Variants in RHOU observed in about 807,000 individuals in gnomAD.
RHOU encodes rho-related GTP-binding protein RhoU.
A neutral mutation model predicts 12.6 loss-of-function variants in RHOU; 8 were observed. That is an observed-to-expected ratio of 0.64 (90% CI 0.37 to 1.15). RHOU has a LOEUF of 1.15. Ranked by LOEUF, RHOU falls within the 50% of genes most tolerant of loss-of-function variation. The pLI is 0.01. For synonymous variants in RHOU, 161 were observed against 147.4 expected (o/e 1.09, Z -0.67); for missense variants, 258 against 347.0 (o/e 0.74, Z 2.04).
the RHOU span, among the ~76,000 whole-genome samples, chr1:228,712,666 G>A: frequency 8.9e-6 from 1 of 112,652 alleles, no homozygotes; most frequent in Non-Finnish European, 1.7e-5. Flanking sequence ...GTTGTAGGGT[G>A]GGGGGAGGGG....
the RHOU span, among the ~76,000 whole-genome samples, chr1:228,690,914 TG>T: frequency 1.3e-5 from 2 of 152,244 alleles, no homozygotes; most frequent in South Asian, 4.1e-4. Flanking sequence ...CCGTGCATGG[TG>T]GAAGATTAGT....
upstream of RHOU, among the ~76,000 whole-genome samples, chr1:228,731,506 T>C (rs555138246): frequency 2.6e-5 from 4 of 152,244 alleles, no homozygotes; most frequent in South Asian, 2.1e-4. Context: ...AACGAACAGA[T>C]GGCCAGATGG....
the RHOU span, among the ~76,000 whole-genome samples, chr1:228,677,346 G>A: frequency 2.6e-5 from 4 of 152,134 alleles, no homozygotes; most frequent in East Asian, 1.9e-4. Flanking sequence ...CACCCAGGAC[G>A]TCCAATTACA....
At chr1:228,647,178 C>G in the RHOU span, among the ~76,000 whole-genome samples, 1 of 152,294 alleles carries the variant, frequency 6.6e-6, no homozygotes, top group African/African-American at 2.4e-5. Context: ...GCGGCCCGTG[C>G]GAGAGGACCA....
the RHOU span, among the ~76,000 whole-genome samples, chr1:228,696,535 T>G: frequency 6.6e-6 from 1 of 152,034 alleles, no homozygotes; most frequent in Non-Finnish European, 1.5e-5. Context: ...TCTAACCAAG[T>G]GCTTTTAGAT....
chr1:228,686,827 G>A, the RHOU span, among the ~76,000 whole-genome samples: 2 of 152,144 alleles, frequency 1.3e-5, no homozygotes, highest in Non-Finnish European at 2.9e-5. Context: ...TGCAACCTCC[G>A]CTTCCAGGGT....
the RHOU span, among the ~76,000 whole-genome samples, chr1:228,685,555 G>A: frequency 4.5e-4 from 69 of 152,168 alleles, no homozygotes; most frequent in Non-Finnish European, 8.4e-4. Context: ...AAATTAAAAT[G>A]GAAATCTATT....
chr1:228,743,335 C>T lies in RHOU; in HGVS notation c.372C>T (p.Phe124=), dbSNP rs765539039. 2 of 1,614,198 alleles carry T rather than the reference C, an allele frequency of 1.2e-6. No individual in the cohort carries two copies. Among genetic ancestry groups the T allele is most frequent in the Admixed American group, 1.7e-5 (1 of 60,020 alleles). Residue 124 remains phenylalanine (F), a synonymous_variant, in exon 3 of 3, where the codon TTC becomes TTT. Transcript: ENST00000366691. The surrounding 1 kb of genome is among the most constrained non-coding windows in gnomAD (Gnocchi z 5.1). ...TCTGCTACACCAACACAGACATCTTCCTGCTCTGCTTCAGTGTCGTGAGCC... is the reference window on the plus strand; with the variant it reads ...TCTGCTACACCAACACAGACATCTTTCTGCTCTGCTTCAGTGTCGTGAGCC... ...RPLCYTNTDI[F]LLCFSVVSPS...
chr1:228,687,356 T>G, the RHOU span: 69 of 797,270 alleles, frequency 8.7e-5, no homozygotes, highest in African/African-American at 1.1e-3. Context: ...TCAACGAACT[T>G]AAGTGGATGT....
At chr1:228,703,437 A>G in the RHOU span, among the ~76,000 whole-genome samples, 1 of 151,890 alleles carries the variant, frequency 6.6e-6, no homozygotes, top group African/African-American at 2.4e-5. Context: ...GAGGCAGGAG[A>G]ATGGCGTGAA....
chr1:228,687,998 TC>T, the RHOU span, among the ~76,000 whole-genome samples: 1 of 146,438 alleles, frequency 6.8e-6, no homozygotes, highest in Non-Finnish European at 1.5e-5. Context: ...TTCCTTCCTT[TC>T]TTCCTTCCTT....
chr1:228,673,461 C>G, the RHOU span, among the ~76,000 whole-genome samples: 1 of 152,128 alleles, frequency 6.6e-6, no homozygotes, highest in African/African-American at 2.4e-5. Flanking sequence ...GAATTGGTGT[C>G]CCTGCTCAAA....
the RHOU span, among the ~76,000 whole-genome samples, chr1:228,692,876 TG>T: frequency 6.6e-6 from 1 of 152,164 alleles, no homozygotes; most frequent in Non-Finnish European, 1.5e-5. Context: ...TTGATAAAGT[TG>T]TTACTAAAGA....
upstream of RHOU, chr1:228,735,354 G>A (rs1342881764): frequency 6.5e-6 from 1 of 153,546 alleles, no homozygotes; most frequent in Non-Finnish European, 1.4e-5. This position sits in a 1 kb window ranked among gnomAD's most constrained non-coding sequence, Gnocchi z 8.1. Flanking sequence ...CGCGCAGGCG[G>A]GGGGCGCTGT....
chr1:228,659,675 T>A, the RHOU span, among the ~76,000 whole-genome samples: 1 of 151,814 alleles, frequency 6.6e-6, no homozygotes. Context: ...GACATTACTA[T>A]CTGATCCAGT....
chr1:228,683,724 GT>G, the RHOU span, among the ~76,000 whole-genome samples: 2 of 152,214 alleles, frequency 1.3e-5, no homozygotes, highest in Non-Finnish European at 2.9e-5. Context: ...TTTTAAAGAG[GT>G]TTATTCTGAG....
the RHOU span, among the ~76,000 whole-genome samples, chr1:228,725,462 G>A: frequency 6.6e-6 from 1 of 152,156 alleles, no homozygotes; most frequent in African/African-American, 2.4e-5. Context: ...CTAGTGATGA[G>A]CAACCCTGAG....
the RHOU span, among the ~76,000 whole-genome samples, chr1:228,688,585 T>A: frequency 6.6e-6 from 1 of 152,318 alleles, no homozygotes; most frequent in South Asian, 2.1e-4. Flanking sequence ...GAATCGTGCC[T>A]TTCCTGCAAA....
the RHOU span, among the ~76,000 whole-genome samples, chr1:228,690,359 CTT>C: frequency 2.0e-5 from 3 of 151,050 alleles, no homozygotes; most frequent in African/African-American, 4.9e-5. Context: ...GAGTTTTGCT[CTT>C]GTTTCCCAGG....
Sources: allele counts gnomAD v4.1 joint callset (sites outside exome capture counted in the v4.1 genomes callset), GRCh38; gene constraint gnomAD v4.1.1; non-coding constraint Gnocchi (gnomAD v3.1); transcripts MANE v1.5; gene names NCBI Gene and HGNC (gene_info 2026-07-23, HGNC 2026-07-21).